Variants in GRIK1 observed in about 807,000 individuals in gnomAD.
GRIK1 encodes glutamate receptor ionotropic, kainate 1.
Under a neutral mutation model 105.7 loss-of-function variants are expected in GRIK1, and 69 were observed. That is an observed-to-expected ratio of 0.65 (90% CI 0.54 to 0.80). GRIK1 has a LOEUF of 0.80. Among genes scored for constraint, GRIK1 ranks in the 30% least tolerant of loss-of-function variants. The pLI, the probability that GRIK1 is intolerant of heterozygous loss-of-function variation, is 0.00. For synonymous variants in GRIK1, 438 were observed against 431.3 expected (o/e 1.02, Z -0.19); for missense variants, 1,109 against 1,167.3 (o/e 0.95, Z 0.73).
chr21:29,935,691 T>C (rs150459391), intron 1 of GRIK1, among the ~76,000 whole-genome samples: 67 of 152,330 alleles, frequency 4.4e-4, no homozygotes, highest in African/African-American at 1.6e-3. Context: ...TAAATCTCCA[T>C]AATATTTCTA....
chr21:29,690,427 C>G (rs363509), intron 2 of GRIK1, among the ~76,000 whole-genome samples: 41,684 of 152,156 alleles, frequency 0.27, 9,176 homozygotes, highest in African/African-American at 0.6. Flanking sequence ...TAGAACCTCT[C>G]GGTAACTACA....
intron 1 of GRIK1, among the ~76,000 whole-genome samples, chr21:29,829,661 G>A (rs1373552278): frequency 6.6e-6 from 1 of 152,132 alleles, no homozygotes; most frequent in African/African-American, 2.4e-5. Flanking sequence ...ATGAATTTAA[G>A]AAGCCTTTGA....
chr21:29,909,611 A>G (rs1368861254), intron 1 of GRIK1, among the ~76,000 whole-genome samples: 3 of 152,192 alleles, frequency 2.0e-5, no homozygotes, highest in African/African-American at 4.8e-5. Context: ...GCTTTCATTT[A>G]CATTGTTGAA....
At chr21:29,707,454 C>CCTT (rs1601500614) in intron 1 of GRIK1, among the ~76,000 whole-genome samples, 1 of 88,560 alleles carries the variant, frequency 1.1e-5, no homozygotes, top group African/African-American at 5.7e-5. Flanking sequence ...CTCCCTCCCT[C>CCTT]CCTCCCTCCC....
At chr21:29,813,016 G>A (rs1400989712) in intron 1 of GRIK1, among the ~76,000 whole-genome samples, 1 of 152,088 alleles carries the variant, frequency 6.6e-6, no homozygotes, top group Non-Finnish European at 1.5e-5. Flanking sequence ...CTGTGCATTA[G>A]CATTGGTTCA....
Position 29,654,858 on chromosome 21 carries a change from C to G in GRIK1, c.732G>C (p.Leu244=), listed in dbSNP as rs1481143033. ...ETAAEILKQI[L]FMGMMTEYYH... ...AGTACTCGGTCATCATGCCCATGAA[C>G]AGAATCTGCAAAAGAGAAATAAGGG... is the stretch of plus-strand genomic sequence containing the variant. The change falls in exon 5 of 18, where the codon CTG becomes CTC. Residue 244 remains leucine, a synonymous_variant. Transcript: ENST00000327783. 1.9e-6 allele frequency: 3 copies of G among 1,570,922 alleles called. No homozygotes were observed. The African/African-American group carries it at 4.1e-5, about 21-fold the overall frequency.
intron 14 of GRIK1, among the ~76,000 whole-genome samples, chr21:29,562,393 A>G (rs142630368): frequency 0.02 from 2,980 of 152,254 alleles, 53 homozygotes; most frequent in Non-Finnish European, 0.03. Flanking sequence ...GGTGGCTCAC[A>G]CCTGTAATCC....
intron 1 of GRIK1, among the ~76,000 whole-genome samples, chr21:29,829,073 A>C (rs2067555660): frequency 6.6e-6 from 1 of 152,116 alleles, no homozygotes; most frequent in African/African-American, 2.4e-5. Context: ...ACGCCTTTCC[A>C]ATGTAGCTTA....
At chr21:29,861,705 T>C in intron 1 of GRIK1, 1 of 450,208 alleles carries the variant, frequency 2.2e-6, no homozygotes, top group South Asian at 1.6e-5. Context: ...ATTTTCTGCA[T>C]AAATGTATTT....
At chr21:29,670,718 G>A (rs1240651396) in intron 4 of GRIK1, among the ~76,000 whole-genome samples, 1 of 152,174 alleles carries the variant, frequency 6.6e-6, no homozygotes, top group East Asian at 1.9e-4. Flanking sequence ...CCTTTTGAGG[G>A]CTACACATAA....
intron 7 of GRIK1, among the ~76,000 whole-genome samples, chr21:29,625,339 G>A (rs34028219): frequency 0.019 from 2,846 of 152,252 alleles, 36 homozygotes; most frequent in Non-Finnish European, 0.028. Context: ...AGGTGATTTG[G>A]TGCACACTTA....
At chr21:29,764,001 C>T (rs1185447906) in intron 1 of GRIK1, 2 of 151,982 alleles carry the variant, frequency 1.3e-5, no homozygotes, top group African/African-American at 2.4e-5. Flanking sequence ...CCAAGAAAGA[C>T]ACCAATTACT....
chr21:29,626,581 A>G (rs534085681), intron 7 of GRIK1, among the ~76,000 whole-genome samples: 2 of 152,334 alleles, frequency 1.3e-5, no homozygotes, highest in African/African-American at 2.4e-5. Flanking sequence ...GGCTTCCAGC[A>G]TCACTTCTCC....
Position 29,802,357 on chromosome 21 carries a change from C to A in GRIK1, c.119-108294G>T, listed in dbSNP as rs117748708. The stretch of plus-strand genomic sequence containing the variant: ...AGCCTCAGGTTTGTTACTTTTGACT[C>A]TTGACAATCAAATTGACTTTCACCC... On this transcript the variant is annotated intron_variant, in intron 1 of 17. Transcript: ENST00000327783. 3.3e-5 allele frequency among the ~76,000 whole-genome samples: 5 copies of A among 152,216 alleles called. No individual in the cohort carries two copies. The East Asian group carries it at 9.6e-4, about 29-fold the overall frequency.
At chr21:29,629,613 C>G (rs1026255817) in intron 7 of GRIK1, among the ~76,000 whole-genome samples, 1 of 151,926 alleles carries the variant, frequency 6.6e-6, no homozygotes, top group African/African-American at 2.4e-5. Context: ...CCTCAGCATC[C>G]GGAGTAGCTG....
At chr21:29,854,639 A>AATGACTGTC (rs2068408414) in intron 1 of GRIK1, among the ~76,000 whole-genome samples, 1 of 152,158 alleles carries the variant, frequency 6.6e-6, no homozygotes, top group African/African-American at 2.4e-5. Flanking sequence ...ACAGTGAATA[A>AATGACTGTC]ATGACTGTCA....
intron 1 of GRIK1, among the ~76,000 whole-genome samples, chr21:29,739,951 T>C (rs1224729374): frequency 6.6e-6 from 1 of 152,230 alleles, no homozygotes; most frequent in Non-Finnish European, 1.5e-5. Context: ...AACTGTCATA[T>C]GTTGTGCAAC....
In GRIK1 at chr21:29,813,544, T is replaced by G. The variant is rs759665712; in HGVS notation, c.119-119481A>C. ...CATTTTTTGTATCAATATAGAACAT[T>G]AAATTTCTAAATTTGGTATTGCTGA... On this transcript the variant is annotated intron_variant, in intron 1 of 17. Transcript: ENST00000327783. Among the ~76,000 whole-genome samples the G allele has an allele frequency of 3.2e-4, 49 of 152,274 alleles. 1 individual carries two copies. Among genetic ancestry groups the G allele is most frequent in the Admixed American group, 1.3e-3 (20 of 15,286 alleles).
At chr21:29,571,810 G>C (rs2090756380) in intron 14 of GRIK1, among the ~76,000 whole-genome samples, 1 of 152,160 alleles carries the variant, frequency 6.6e-6, no homozygotes, top group South Asian at 2.1e-4. Context: ...GAGGAATACT[G>C]CTTTTCTGAG....
Sources: gnomAD v4.1 joint callset for allele counts (sites outside exome capture counted in the v4.1 genomes callset) on GRCh38, gnomAD v4.1.1 for gene constraint, MANE v1.5 for transcripts, NCBI Gene and HGNC (gene_info 2026-07-23, HGNC 2026-07-21) for gene names.